Variants in ROR1 observed in about 807,000 individuals in gnomAD.
The protein encoded by ROR1 is ROR family WNT receptor 1, also known as inactive tyrosine-protein kinase transmembrane receptor ROR1.
ROR1 carries 19 observed loss-of-function variants against 78.8 expected under a neutral mutation model. The ratio of observed to expected loss-of-function variants is 0.24; its 90% CI spans 0.17 to 0.35. The LOEUF is 0.35. ROR1 is among the 10% of genes least tolerant of loss of function. The probability of loss-of-function intolerance (pLI) is 1.00; values close to 1 mark genes in which losing one functional copy is unlikely to be tolerated. For synonymous variants in ROR1, 386 were observed against 433.6 expected (o/e 0.89, Z 1.36); for missense variants, 917 against 1,177.8 (o/e 0.78, Z 3.24).
chr1:63,776,920 G>T (rs1644620280), intron 1 of ROR1, among the ~76,000 whole-genome samples: 1 of 151,926 alleles, frequency 6.6e-6, no homozygotes, highest in South Asian at 2.1e-4. Context: ...TCTCCTCTTG[G>T]ACTCAAGATT....
chr1:64,026,634 T>A (rs938825527), intron 2 of ROR1, among the ~76,000 whole-genome samples: 2 of 152,216 alleles, frequency 1.3e-5, no homozygotes, highest in African/African-American at 4.8e-5. Flanking sequence ...GACTCACGGT[T>A]CCACATGGCT....
At chr1:63,988,991 C>G (rs188182344) in intron 1 of ROR1, among the ~76,000 whole-genome samples, 1 of 152,116 alleles carries the variant, frequency 6.6e-6, no homozygotes, top group Non-Finnish European at 1.5e-5. Flanking sequence ...TGTATATATT[C>G]CCAAAAGCAA....
chr1:63,815,098 G>T (rs1644882515), intron 1 of ROR1, among the ~76,000 whole-genome samples: 1 of 152,090 alleles, frequency 6.6e-6, no homozygotes, highest in Admixed American at 6.5e-5. Context: ...GCCTCTGTTT[G>T]TTTTTGCAAA....
intron 2 of ROR1, among the ~76,000 whole-genome samples, chr1:64,042,298 G>T (rs1210836794): frequency 6.6e-6 from 1 of 152,108 alleles, no homozygotes; most frequent in Non-Finnish European, 1.5e-5. Context: ...GAATACTTTT[G>T]ATATTCCAGA....
intron 4 of ROR1, among the ~76,000 whole-genome samples, chr1:64,070,430 G>T (rs1646994161): frequency 6.6e-6 from 1 of 152,154 alleles, no homozygotes; most frequent in East Asian, 1.9e-4. Flanking sequence ...CTGGGCTCAA[G>T]TAATTGTCCC....
intron 4 of ROR1, among the ~76,000 whole-genome samples, chr1:64,132,654 G>A (rs1244416595): frequency 6.6e-6 from 1 of 151,480 alleles, no homozygotes; most frequent in African/African-American, 2.4e-5. Context: ...CAGCTACTCA[G>A]GAGGCTGAGG....
intron 2 of ROR1, among the ~76,000 whole-genome samples, chr1:64,038,239 G>A (rs1646719102): frequency 6.6e-6 from 1 of 152,094 alleles, no homozygotes; most frequent in Admixed American, 6.5e-5. Flanking sequence ...GAAGTCTGGG[G>A]TTTCTCCGCC....
intron 4 of ROR1, among the ~76,000 whole-genome samples, chr1:64,120,939 T>A (rs1000682476): frequency 1.3e-5 from 2 of 152,030 alleles, no homozygotes; most frequent in Admixed American, 1.3e-4. Context: ...GTGTTCACAT[T>A]AACATCCAGC....
At chr1:64,059,708 TA>T (rs75359961) in intron 4 of ROR1, among the ~76,000 whole-genome samples, 87 of 130,800 alleles carry the variant, frequency 6.7e-4, no homozygotes, top group Middle Eastern at 3.7e-3. Flanking sequence ...GACTCCATCT[TA>T]AAAAAAAAAA....
At chr1:63,798,127 T>G (rs2100249635) in intron 1 of ROR1, among the ~76,000 whole-genome samples, 1 of 152,258 alleles carries the variant, frequency 6.6e-6, no homozygotes, top group East Asian at 1.9e-4. Flanking sequence ...TGAGACTCAG[T>G]CAGGCATTTT....
intron 1 of ROR1, among the ~76,000 whole-genome samples, chr1:63,974,186 G>A (rs928230651): frequency 1.3e-5 from 2 of 152,162 alleles, no homozygotes; most frequent in Non-Finnish European, 2.9e-5. Context: ...GAGTGGAAAA[G>A]CTCTGTACTG....
chr1:63,796,892 GGTTTTGAGAATCCA>G (rs1481997752), intron 1 of ROR1, among the ~76,000 whole-genome samples: 1 of 152,006 alleles, frequency 6.6e-6, no homozygotes, highest in Non-Finnish European at 1.5e-5. Context: ...TCATTGCAAG[GGTTTTGAGAATCCA>G]ACATCATCGG....
chr1:63,844,086 T>C (rs976013935), intron 1 of ROR1, among the ~76,000 whole-genome samples: 3 of 152,194 alleles, frequency 2.0e-5, no homozygotes, highest in Non-Finnish European at 2.9e-5. Context: ...CCCAGTGACT[T>C]AACCTTTGTA....
intron 1 of ROR1, among the ~76,000 whole-genome samples, chr1:63,874,902 C>T (rs973860538): frequency 2.0e-5 from 3 of 152,028 alleles, no homozygotes; most frequent in African/African-American, 7.2e-5. Flanking sequence ...GTAAAGATAT[C>T]TGAATGAAGT....
chr1:63,850,781 C>T (rs1381821994), intron 1 of ROR1, among the ~76,000 whole-genome samples: 1 of 152,102 alleles, frequency 6.6e-6, no homozygotes, highest in African/African-American at 2.4e-5. Flanking sequence ...GTACACAGAA[C>T]ACATTATGTA....
At chr1:64,027,434 G>A (rs538475010) in intron 2 of ROR1, among the ~76,000 whole-genome samples, 1 of 152,138 alleles carries the variant, frequency 6.6e-6, no homozygotes, top group African/African-American at 2.4e-5. Flanking sequence ...TTAACTTATT[G>A]TTGACTTTTA....
rs1333546414 is a variant in ROR1 at position 64,179,304 on chromosome 1, GA to G, written c.*451del. 1.3e-5 allele frequency: 2 copies of G among 155,352 alleles called. No homozygotes were observed. The highest frequency in any genetic ancestry group is 4.8e-5 in the African/African-American group (2 of 41,458). The allele number at this position is 155,352 out of a possible 1,614,324, so 9.6% of individuals were successfully genotyped here. A position where few individuals can be genotyped will look rare whatever the true frequency, so the allele number is the denominator to read the frequency against. ...TCTTTTCTTCAGGACAGATGTTCAGGAATTATATTGATTGAATTTAGACTCT... is the reference window on the plus strand; with the variant it reads ...TCTTTTCTTCAGGACAGATGTTCAGGATTATATTGATTGAATTTAGACTCT... On this transcript the variant is annotated 3_prime_UTR_variant, in exon 9 of 9. Coordinates refer to ENST00000371079, the MANE Select transcript of ROR1 (RefSeq NM_005012.4).
chr1:64,093,530 T>A (rs1647223289), intron 4 of ROR1, among the ~76,000 whole-genome samples: 2 of 152,046 alleles, frequency 1.3e-5, no homozygotes, highest in Admixed American at 6.6e-5. Context: ...TAGGAGAAAT[T>A]CTACCAAATG....
intron 1 of ROR1, among the ~76,000 whole-genome samples, chr1:63,996,850 T>A (rs570423372): frequency 6.6e-6 from 1 of 152,100 alleles, no homozygotes; most frequent in Admixed American, 6.5e-5. Context: ...TGAGGAGAGA[T>A]CATGGCTATG....
Sources: gnomAD v4.1 joint callset for allele counts (sites outside exome capture counted in the v4.1 genomes callset) on GRCh38, gnomAD v4.1.1 for gene constraint, MANE v1.5 for transcripts, NCBI Gene and HGNC (gene_info 2026-07-23, HGNC 2026-07-21) for gene names.